GABRB1: variants seen among roughly 807,000 people sequenced by gnomAD.
The protein encoded by GABRB1 is gamma-aminobutyric acid type A receptor subunit beta1.
In GABRB1, 17 loss-of-function variants were observed where a neutral mutation model predicts 51.6. The ratio of observed to expected loss-of-function variants is 0.33; its 90% CI spans 0.23 to 0.49. The LOEUF (loss-of-function observed/expected upper bound fraction) is 0.49, where lower values mean the gene tolerates loss of function less well. Ranked by LOEUF, GABRB1 falls within the 20% of genes least tolerant of loss-of-function variation. GABRB1 has a pLI of 0.99. For missense variants in GABRB1, 410 were observed against 600.6 expected, an observed-to-expected ratio of 0.68 and a Z score of 3.32; for synonymous variants, 247 against 218.9, an observed-to-expected ratio of 1.13 and a Z score of -1.14.
At chr4:47,370,497 AAG>A (rs1216892352) in intron 5 of GABRB1, among the ~76,000 whole-genome samples, 25 of 140,476 alleles carry the variant, frequency 1.8e-4, no homozygotes, top group African/African-American at 5.2e-4. Context: ...AAAAAAAAAA[AAG>A]AAAGAAAGAA....
chr4:47,386,733 AG>A (rs1011992803), intron 5 of GABRB1, among the ~76,000 whole-genome samples: 18 of 152,314 alleles, frequency 1.2e-4, no homozygotes, highest in Admixed American at 1.0e-3. Context: ...CCAAGAAGGA[AG>A]GAAAAAAAAA....
At chr4:47,268,587 A>T (rs1722733105) in intron 4 of GABRB1, among the ~76,000 whole-genome samples, 2 of 152,182 alleles carry the variant, frequency 1.3e-5, no homozygotes, top group African/African-American at 4.8e-5. Context: ...CCAAATCATA[A>T]TCCCCATTAC....
At chr4:47,231,864 A>G (rs1402402586) in intron 4 of GABRB1, among the ~76,000 whole-genome samples, 1 of 152,212 alleles carries the variant, frequency 6.6e-6, no homozygotes, top group Admixed American at 6.5e-5. Flanking sequence ...TGGAGTTCCA[A>G]TAAAAATTGT....
At chr4:47,157,692 G>A (rs1377554647) in intron 3 of GABRB1, among the ~76,000 whole-genome samples, 2 of 152,042 alleles carry the variant, frequency 1.3e-5, no homozygotes, top group African/African-American at 2.4e-5. Flanking sequence ...TATATAGATT[G>A]TAGAAAAAGG....
intron 4 of GABRB1, among the ~76,000 whole-genome samples, chr4:47,170,856 A>G (rs1360255561): frequency 1.3e-5 from 2 of 152,114 alleles, no homozygotes; most frequent in African/African-American, 2.4e-5. Flanking sequence ...TTCCCCTCAC[A>G]GTTTAGTTGG....
At chr4:47,228,769 T>TGGTGTGGA (rs1721040490) in intron 4 of GABRB1, among the ~76,000 whole-genome samples, 1 of 152,092 alleles carries the variant, frequency 6.6e-6, no homozygotes, top group Non-Finnish European at 1.5e-5. Context: ...GTTGTTTGTA[T>TGGTGTGGA]CCTCCCGTGG....
intron 3 of GABRB1, among the ~76,000 whole-genome samples, chr4:47,087,047 G>T (rs572374457): frequency 6.6e-6 from 1 of 152,176 alleles, no homozygotes; most frequent in Non-Finnish European, 1.5e-5. Flanking sequence ...GCTCCACCTG[G>T]GTATAACCAA....
At chr4:47,349,250 G>C (rs891346072) in intron 5 of GABRB1, among the ~76,000 whole-genome samples, 24 of 152,084 alleles carry the variant, frequency 1.6e-4, no homozygotes, top group African/African-American at 5.6e-4. Flanking sequence ...GGTGACACAG[G>C]GTAAGGAAGA....
chr4:47,180,810 GC>G (rs1280323881), intron 4 of GABRB1, among the ~76,000 whole-genome samples: 1 of 152,040 alleles, frequency 6.6e-6, no homozygotes, highest in Non-Finnish European at 1.5e-5. Flanking sequence ...AATGAATGAA[GC>G]TTTGACAGGT....
chr4:47,112,626 C>G (rs775748918), intron 3 of GABRB1, among the ~76,000 whole-genome samples: 3 of 152,266 alleles, frequency 2.0e-5, no homozygotes, highest in Non-Finnish European at 2.9e-5. Flanking sequence ...GTGCATAGAG[C>G]CTGTCAGTTT....
chr4:47,123,896 ATAATATATTATATAT>A (rs200359548), intron 3 of GABRB1, among the ~76,000 whole-genome samples: 26,641 of 99,990 alleles, frequency 0.27, 4,241 homozygotes, highest in Middle Eastern at 0.38. Flanking sequence ...TATATAATAT[ATAATATATTATATAT>A]TAATATATGA....
intron 3 of GABRB1, among the ~76,000 whole-genome samples, chr4:47,153,628 T>A (rs1717560144): frequency 6.6e-6 from 1 of 152,084 alleles, no homozygotes; most frequent in African/African-American, 2.4e-5. Context: ...GAATCCATAC[T>A]CCAGTTGGCA....
chr4:47,354,599 G>T (rs1051347224), intron 5 of GABRB1, among the ~76,000 whole-genome samples: 9 of 152,034 alleles, frequency 5.9e-5, no homozygotes, highest in African/African-American at 2.2e-4. Context: ...TCTGTGTTTT[G>T]TATTGCAGTC....
intron 5 of GABRB1, among the ~76,000 whole-genome samples, chr4:47,361,233 G>A (rs569853237): frequency 3.3e-5 from 5 of 152,182 alleles, no homozygotes; most frequent in African/African-American, 1.2e-4. Flanking sequence ...GATGTTCCTG[G>A]CCGTAACAAC....
chr4:47,328,248 C>T (rs1284578179), intron 5 of GABRB1, among the ~76,000 whole-genome samples: 11 of 152,068 alleles, frequency 7.2e-5, no homozygotes, highest in Admixed American at 6.5e-4. Context: ...AAAATTTTCT[C>T]CCATTCTGTA....
chr4:47,099,242 T>C (rs1714613327), intron 3 of GABRB1, among the ~76,000 whole-genome samples: 1 of 152,156 alleles, frequency 6.6e-6, no homozygotes, highest in Admixed American at 6.6e-5. Context: ...AAAGAGTCAC[T>C]GTATCAGCTG....
intron 3 of GABRB1, among the ~76,000 whole-genome samples, chr4:47,117,816 A>T (rs1300734503): frequency 6.6e-6 from 1 of 152,194 alleles, no homozygotes; most frequent in African/African-American, 2.4e-5. Context: ...CATTTGTGTG[A>T]TAAGGAAAAA....
At chr4:47,210,047 C>T (rs1720295409) in intron 4 of GABRB1, among the ~76,000 whole-genome samples, 1 of 152,092 alleles carries the variant, frequency 6.6e-6, no homozygotes, top group South Asian at 2.1e-4. Flanking sequence ...TGGTTCACTG[C>T]TTATTCCAGT....
chr4:47,400,539 TC>T (rs1298998153), intron 5 of GABRB1, among the ~76,000 whole-genome samples: 1 of 147,682 alleles, frequency 6.8e-6, no homozygotes. Flanking sequence ...TCTCTCTCTC[TC>T]TCTCTCTCTC....
Sources: allele counts gnomAD v4.1 joint callset (sites outside exome capture counted in the v4.1 genomes callset), GRCh38; gene constraint gnomAD v4.1.1; transcripts MANE v1.5; gene names NCBI Gene and HGNC (gene_info 2026-07-23, HGNC 2026-07-21).